Variants in EVI5 observed in about 807,000 individuals in gnomAD.
EVI5 encodes ecotropic viral integration site 5.
In EVI5, 73 loss-of-function variants were observed where a neutral mutation model predicts 112.0. The ratio of observed to expected loss-of-function variants is 0.65; its 90% confidence interval spans 0.54 to 0.79. EVI5 has a LOEUF of 0.79. Among genes scored for constraint, EVI5 ranks in the 30% least tolerant of loss-of-function variants. EVI5 has a pLI of 0.00. For missense variants in EVI5, 900 were observed against 968.8 expected (o/e 0.93, Z 0.94); for synonymous variants, 305 against 319.9 (o/e 0.95, Z 0.50).
chr1:92,633,950 G>A (rs1311343250), intron 14 of EVI5, among the ~76,000 whole-genome samples: 1 of 152,132 alleles, frequency 6.6e-6, no homozygotes, highest in Admixed American at 6.5e-5. Context: ...AGCTTAGTTT[G>A]GCTGGATATG....
intron 2 of EVI5, among the ~76,000 whole-genome samples, chr1:92,727,456 C>G (rs1675748064): frequency 6.6e-6 from 1 of 152,026 alleles, no homozygotes; most frequent in Non-Finnish European, 1.5e-5. Flanking sequence ...CTAGGGGATG[C>G]TTTAAGGTAT....
At chr1:92,569,010 G>C (rs1342198827) in intron 18 of EVI5, among the ~76,000 whole-genome samples, 1 of 152,184 alleles carries the variant, frequency 6.6e-6, no homozygotes, top group East Asian at 1.9e-4. Context: ...CTTAATCCCT[G>C]TGTTGTTCAG....
rs557719371 is a variant in EVI5 at position 92,572,891 on chromosome 1, G to A, written c.2071-9154C>T. On this transcript the variant is annotated intron_variant, in intron 18 of 19. Coordinates refer to ENST00000684568, the MANE Select transcript of EVI5 (RefSeq NM_001350197.2). ...AGGAAAACCTCCTGAGGATAGAAATGACAAAAACAGCAGAGCCTTCAGAAT... is the reference window on the plus strand; with the variant it reads ...AGGAAAACCTCCTGAGGATAGAAATAACAAAAACAGCAGAGCCTTCAGAAT... Among the ~76,000 whole-genome samples, 12 of 152,152 alleles carry A rather than the reference G, an allele frequency of 7.9e-5. No homozygotes were observed. The South Asian group carries it at 1.5e-3, about 18-fold the overall frequency.
intron 9 of EVI5, among the ~76,000 whole-genome samples, chr1:92,682,243 G>A (rs552505373): frequency 1.1e-3 from 166 of 152,204 alleles, no homozygotes; most frequent in African/African-American, 3.6e-3. Flanking sequence ...TCCCTCTGGT[G>A]TCGGCTCAAA....
At chr1:92,729,085 A>G (rs1033311400) in intron 2 of EVI5, among the ~76,000 whole-genome samples, 1 of 152,202 alleles carries the variant, frequency 6.6e-6, no homozygotes, top group African/African-American at 2.4e-5. Context: ...TCTACTTAAT[A>G]AGGAAACAAA....
At chr1:92,626,479 T>C (rs1049396429) in intron 14 of EVI5, among the ~76,000 whole-genome samples, 1 of 152,232 alleles carries the variant, frequency 6.6e-6, no homozygotes, top group Non-Finnish European at 1.5e-5. Context: ...AATGTTGCTA[T>C]GAACATTGGT....
intron 1 of EVI5, among the ~76,000 whole-genome samples, chr1:92,775,540 T>A (rs1684000871): frequency 6.6e-6 from 1 of 152,156 alleles, no homozygotes; most frequent in South Asian, 2.1e-4. Context: ...CAGTATTCCA[T>A]ACAATAACAT....
At chr1:92,553,651 C>G (rs1220131763) in intron 19 of EVI5, among the ~76,000 whole-genome samples, 1 of 152,072 alleles carries the variant, frequency 6.6e-6, no homozygotes, top group African/African-American at 2.4e-5. Flanking sequence ...CCAAGTTGGT[C>G]TCAAACTCCT....
chr1:92,599,749 T>A (rs1376261209), intron 18 of EVI5, among the ~76,000 whole-genome samples: 6 of 152,152 alleles, frequency 3.9e-5, no homozygotes, highest in Non-Finnish European at 8.8e-5. Context: ...TGGCACAGAA[T>A]TCTGAAAGAA....
chr1:92,714,018 A>G (rs1396026918), intron 2 of EVI5: 1 of 984,564 alleles, frequency 1.0e-6, no homozygotes, highest in African/African-American at 1.7e-5. Flanking sequence ...CATCTCTGCC[A>G]AAGCCTTTGT....
At position 92,647,552 on chromosome 1, in the gene EVI5, G is replaced by T. The variant is rs1661209909; in HGVS notation, c.1393-11216C>A. The stretch of plus-strand genomic sequence containing the variant: ...TCTGCAAAATTGACAGAGACCTCTG[G>T]GTTTCTCTTATGTTCTTCTCTGCAT... On this transcript the variant is annotated intron_variant, in intron 13 of 19. Transcript: ENST00000684568. 1.9e-5 allele frequency: 10 copies of T among 538,042 alleles called. No homozygotes were observed. The South Asian group carries it at 2.0e-4, about 11-fold the overall frequency. The allele number at this position is 538,042 out of a possible 1,614,324, so 33.3% of individuals were successfully genotyped here.
At chr1:92,763,477 T>C (rs1049796433) in intron 1 of EVI5, among the ~76,000 whole-genome samples, 2 of 151,926 alleles carry the variant, frequency 1.3e-5, no homozygotes, top group African/African-American at 2.4e-5. Flanking sequence ...TAGCTGGGCA[T>C]GGTGGTGTGT....
At chr1:92,747,992 A>G (rs780644349) in intron 1 of EVI5, among the ~76,000 whole-genome samples, 8 of 152,162 alleles carry the variant, frequency 5.3e-5, no homozygotes, top group Non-Finnish European at 7.3e-5. Flanking sequence ...TACATTTACA[A>G]CAACCCTGTT....
chr1:92,679,574 T>C (rs1667274421), intron 9 of EVI5, among the ~76,000 whole-genome samples: 2 of 152,224 alleles, frequency 1.3e-5, no homozygotes, highest in African/African-American at 4.8e-5. Context: ...ATTGTGAAGA[T>C]AGTACAGAGA....
At chr1:92,677,104 G>T in intron 10 of EVI5, 54 bp downstream of exon 10, 2 of 1,046,852 alleles carry the variant, frequency 1.9e-6, no homozygotes, top group Non-Finnish European at 2.9e-6. Flanking sequence ...AACATCTACT[G>T]TCCAATAATT....
intron 4 of EVI5, 92 bp downstream of exon 4, chr1:92,703,303 G>C: frequency 5.4e-6 from 4 of 741,242 alleles, no homozygotes; most frequent in African/African-American, 1.8e-5. Flanking sequence ...ACTGATTATT[G>C]TGGTGGGAGG....
intron 1 of EVI5, among the ~76,000 whole-genome samples, chr1:92,745,523 A>G (rs958662560): frequency 6.6e-6 from 1 of 152,192 alleles, no homozygotes; most frequent in African/African-American, 2.4e-5. Flanking sequence ...ACCTTAAGAA[A>G]GAAAAACAGG....
chr1:92,632,990 G>T (rs1372311887), intron 14 of EVI5, among the ~76,000 whole-genome samples: 2 of 152,180 alleles, frequency 1.3e-5, no homozygotes, highest in African/African-American at 2.4e-5. Context: ...GGTTTTGAGT[G>T]AGTTTCTTAA....
At chr1:92,642,993 T>A (rs182660066) in intron 13 of EVI5, among the ~76,000 whole-genome samples, 2 of 152,222 alleles carry the variant, frequency 1.3e-5, no homozygotes, top group African/African-American at 4.8e-5. Context: ...TAAGTAGTCA[T>A]AGGTAGGTCA....
Sources: allele counts gnomAD v4.1 joint callset (sites outside exome capture counted in the v4.1 genomes callset), GRCh38; gene constraint gnomAD v4.1.1; transcripts MANE v1.5; gene names NCBI Gene and HGNC (gene_info 2026-07-23, HGNC 2026-07-21).